The following ASTN1 variants were observed in gnomAD, a reference collection of about 807,000 sequenced individuals.
The protein encoded by ASTN1 is astrotactin 1, also known as astrotactin-1.
Under a neutral mutation model 140.7 loss-of-function variants are expected in ASTN1, and 41 were observed. The observed-to-expected ratio is 0.29, with a 90% confidence interval of 0.23 to 0.38. ASTN1 has a LOEUF of 0.38. Ranked by LOEUF, ASTN1 falls within the 10% of genes least tolerant of loss-of-function variation. The pLI is 1.00. For missense variants in ASTN1, 1,479 were observed against 1,678.8 expected, an observed-to-expected ratio of 0.88 and a Z score of 2.08; for synonymous variants, 640 against 652.2, an observed-to-expected ratio of 0.98 and a Z score of 0.29.
In ASTN1 at chr1:177,095,359, T is replaced by C. The variant is rs1399929191; in HGVS notation, c.284-34094A>G. 3.3e-5 allele frequency among the ~76,000 whole-genome samples: 5 copies of C among 152,190 alleles called. No homozygotes were observed. The East Asian group carries it at 9.7e-4, about 29-fold the overall frequency. ...TGCCATCTCAATAAAAGTCTGCTAC[T>C]ATTTGTTGAGATAATGGAAGAATGA... is the stretch of plus-strand genomic sequence containing the variant. On this transcript the variant is annotated intron_variant, in intron 1 of 22. Coordinates refer to ENST00000361833, the MANE Select transcript of ASTN1 (RefSeq NM_004319.3).
At chr1:176,989,434 G>A (rs1674057371) in intron 8 of ASTN1, among the ~76,000 whole-genome samples, 2 of 152,126 alleles carry the variant, frequency 1.3e-5, no homozygotes, top group Admixed American at 1.3e-4. Context: ...TCCTGCAGAG[G>A]TACAATGGCC....
At chr1:177,105,483 T>G (rs1185757379) in intron 1 of ASTN1, among the ~76,000 whole-genome samples, 2 of 152,166 alleles carry the variant, frequency 1.3e-5, no homozygotes, top group African/African-American at 4.8e-5. Flanking sequence ...TTTTCCCATA[T>G]TCCTCTCCAG....
intron 2 of ASTN1, among the ~76,000 whole-genome samples, chr1:177,048,548 C>A (rs1229344716): frequency 6.6e-6 from 1 of 152,196 alleles, no homozygotes; most frequent in African/African-American, 2.4e-5. Context: ...CACTCTGCCT[C>A]CGGCTTTACC....
At chr1:176,996,756 A>G (rs1674472089) in intron 8 of ASTN1, among the ~76,000 whole-genome samples, 1 of 152,128 alleles carries the variant, frequency 6.6e-6, no homozygotes, top group Admixed American at 6.5e-5. Flanking sequence ...GTGAAGACTA[A>G]TGACTTCAAA....
At chr1:176,916,693 T>C (rs1670499310) in intron 16 of ASTN1, among the ~76,000 whole-genome samples, 1 of 152,078 alleles carries the variant, frequency 6.6e-6, no homozygotes, top group African/African-American at 2.4e-5. Flanking sequence ...TCCCACCTGG[T>C]TTACTCCAAA....
intron 1 of ASTN1, among the ~76,000 whole-genome samples, chr1:177,120,741 A>T (rs227520): frequency 0.25 from 38,164 of 152,020 alleles, 7,332 homozygotes; most frequent in African/African-American, 0.55. Flanking sequence ...CGCCTTGGCT[A>T]TCCTCTGAGC....
At chr1:176,894,962 T>G in intron 16 of ASTN1, 132 bp from the exon 17 acceptor site, 1 of 1,282,372 alleles carries the variant, frequency 7.8e-7, no homozygotes. Context: ...AGAATGTGAT[T>G]CTGCCATCCC....
intron 1 of ASTN1, among the ~76,000 whole-genome samples, chr1:177,137,039 G>T (rs547336456): frequency 3.3e-5 from 5 of 152,262 alleles, no homozygotes; most frequent in African/African-American, 1.2e-4. Flanking sequence ...TCCAGCCATT[G>T]CAAATGGGAG....
chr1:176,925,352 T>C (rs1670910722), intron 16 of ASTN1, among the ~76,000 whole-genome samples: 1 of 152,204 alleles, frequency 6.6e-6, no homozygotes, highest in South Asian at 2.1e-4. Flanking sequence ...AGACTTGTTA[T>C]ACAAAATGTG....
intron 1 of ASTN1, among the ~76,000 whole-genome samples, chr1:177,162,200 C>T (rs147592120): frequency 3.9e-5 from 6 of 152,294 alleles, no homozygotes; most frequent in African/African-American, 1.4e-4. Flanking sequence ...TGAGTCTATC[C>T]TCCATAAATT....
chr1:177,061,366 G>A lies in ASTN1; in HGVS notation c.284-101C>T, dbSNP rs1473464135. On this transcript the variant is annotated intron_variant, in intron 1 of 22. Transcript: ENST00000361833. ...TACCAATTAGCCAGTTTCGTCTGAA[G>A]CCAACAGAAGTTTCCAACAATGTAT... The A allele has an allele frequency of 5.1e-6, 6 of 1,181,440 alleles. No homozygotes were observed. The African/African-American group carries it at 9.4e-5, about 19-fold the overall frequency. The allele number at this position is 1,181,440 out of a possible 1,614,324, so 73.2% of individuals were successfully genotyped here.
At chr1:177,037,539 T>G (rs569774635) in intron 2 of ASTN1, among the ~76,000 whole-genome samples, 14 of 152,346 alleles carry the variant, frequency 9.2e-5, no homozygotes, top group Admixed American at 9.1e-4. Context: ...TATTCTTCAT[T>G]TATTTGTGTT....
intron 17 of ASTN1, among the ~76,000 whole-genome samples, chr1:176,892,412 G>C (rs1669305725): frequency 6.6e-6 from 1 of 152,112 alleles, no homozygotes; most frequent in East Asian, 1.9e-4. Flanking sequence ...TGTGGCTCTT[G>C]GTGATAAAAT....
chr1:176,962,389 G>C (rs950406409), intron 9 of ASTN1, among the ~76,000 whole-genome samples: 22 of 152,104 alleles, frequency 1.4e-4, no homozygotes, highest in African/African-American at 5.1e-4. Flanking sequence ...CTTACTCTGG[G>C]TTCAAGTTTT....
chr1:176,965,634 A>C (rs1672844799), intron 8 of ASTN1, among the ~76,000 whole-genome samples: 1 of 140,712 alleles, frequency 7.1e-6, no homozygotes, highest in Non-Finnish European at 1.5e-5. Context: ...TTCAAACCTC[A>C]TTCTCACATT....
intron 8 of ASTN1, among the ~76,000 whole-genome samples, chr1:176,996,322 G>C (rs1211085247): frequency 6.6e-6 from 1 of 151,548 alleles, no homozygotes; most frequent in African/African-American, 2.4e-5. Context: ...GAGAGAGAGA[G>C]AGAGACAGAG....
chr1:177,123,644 T>G (rs1465256849), intron 1 of ASTN1, among the ~76,000 whole-genome samples: 2 of 152,192 alleles, frequency 1.3e-5, no homozygotes, highest in East Asian at 3.9e-4. Context: ...CCCAGTGGGC[T>G]ACTGGGTGGC....
chr1:176,877,979 T>C (rs1483872059), intron 20 of ASTN1, among the ~76,000 whole-genome samples: 2 of 152,142 alleles, frequency 1.3e-5, no homozygotes, highest in East Asian at 1.9e-4. Context: ...AAGACAACCA[T>C]GGCCCACCAC....
chr1:177,072,119 G>A (rs1478989821), intron 1 of ASTN1, among the ~76,000 whole-genome samples: 1 of 152,140 alleles, frequency 6.6e-6, no homozygotes, highest in Non-Finnish European at 1.5e-5. Flanking sequence ...AGACTGTGCT[G>A]TCTACCAAAC....
Sources: allele counts gnomAD v4.1 joint callset (sites outside exome capture counted in the v4.1 genomes callset), GRCh38; gene constraint gnomAD v4.1.1; transcripts MANE v1.5; gene names NCBI Gene and HGNC (gene_info 2026-07-23, HGNC 2026-07-21).